POLN: variants seen among roughly 807,000 people sequenced by gnomAD.
POLN encodes DNA polymerase nu, also known as DNA polymerase N.
In POLN, 108 loss-of-function variants were observed where a neutral mutation model predicts 113.5. That is an observed-to-expected ratio of 0.95 (90% CI 0.81 to 1.12). POLN has a LOEUF of 1.12. POLN is among the 50% of genes most tolerant of loss of function. POLN has a pLI of 0.00. For synonymous variants in POLN, 386 were observed against 391.5 expected, an observed-to-expected ratio of 0.99 and a Z score of 0.17; for missense variants, 1,097 against 1,077.1, an observed-to-expected ratio of 1.02 and a Z score of -0.26.
At chr4:2,076,686 G>C (rs1219156283) in intron 23 of POLN, 1 of 152,336 alleles carries the variant, frequency 6.6e-6, no homozygotes, top group Non-Finnish European at 1.5e-5. Flanking sequence ...GCCCTAGGGA[G>C]CTGGTCTGCA....
intron 19 of POLN, among the ~76,000 whole-genome samples, chr4:2,105,725 C>T (rs545001196): frequency 2.6e-5 from 4 of 152,178 alleles, no homozygotes; most frequent in African/African-American, 9.6e-5. Flanking sequence ...CAAGCATCCT[C>T]TCTGACTCAC....
At chr4:2,192,759 G>A (rs1010855054) in intron 7 of POLN, among the ~76,000 whole-genome samples, 2 of 151,702 alleles carry the variant, frequency 1.3e-5, no homozygotes, top group African/African-American at 4.8e-5. Flanking sequence ...CTTGAGGCCA[G>A]CAGTTTGAGA....
At chr4:2,075,320 C>G in intron 24 of POLN, 132 bp downstream of exon 24, 1 of 992,844 alleles carries the variant, frequency 1.0e-6, no homozygotes. Context: ...GGTGACACAG[C>G]AGCAATGAGG....
At chr4:2,108,033 C>A (rs1356514963) in intron 19 of POLN, among the ~76,000 whole-genome samples, 4 of 152,338 alleles carry the variant, frequency 2.6e-5, no homozygotes, top group Admixed American at 2.0e-4. Context: ...AGCACCCCTT[C>A]CCTTCCTCTG....
At chr4:2,152,067 C>G (rs1197347443) in intron 16 of POLN, among the ~76,000 whole-genome samples, 1 of 149,272 alleles carries the variant, frequency 6.7e-6, no homozygotes, top group Admixed American at 6.7e-5. Context: ...GGATCTCACT[C>G]TGTCACCAGG....
intron 17 of POLN, among the ~76,000 whole-genome samples, chr4:2,129,606 T>A (rs573636364): frequency 4.9e-4 from 75 of 152,278 alleles, no homozygotes; most frequent in African/African-American, 1.7e-3. Context: ...CCCAGGCTGG[T>A]CTCAAACTCT....
chr4:2,100,399 C>T (rs2108704062), intron 19 of POLN, among the ~76,000 whole-genome samples: 1 of 152,210 alleles, frequency 6.6e-6, no homozygotes, highest in South Asian at 2.1e-4. Flanking sequence ...CTCACAATAG[C>T]AATAGAAACC....
Position 2,215,341 on chromosome 4 carries a change from G to C in POLN, c.134-2215C>G, listed in dbSNP as rs144627243. Reference sequence around the variant, plus strand: ...CCGCTTATGCACACGAAGATGTTACGCACATAACACTCGGGTACCCTGGGA... The same window carrying C: ...CCGCTTATGCACACGAAGATGTTACCCACATAACACTCGGGTACCCTGGGA... On this transcript the variant is annotated intron_variant, in intron 3 of 25. Coordinates refer to ENST00000511885, the MANE Select transcript of POLN (RefSeq NM_181808.4). Among the ~76,000 whole-genome samples the C allele has an allele frequency of 3.9e-4, 60 of 152,202 alleles. No individual in the cohort carries two copies. The East Asian group carries it at 0.011, about 28-fold the overall frequency.
intron 19 of POLN, among the ~76,000 whole-genome samples, chr4:2,113,195 A>G (rs1731238434): frequency 7.5e-6 from 1 of 133,822 alleles, no homozygotes; most frequent in Admixed American, 8.7e-5. Flanking sequence ...AAGAGAACAC[A>G]TGGACACAGG....
intron 2 of POLN, chr4:2,234,264 T>G (rs896277458): frequency 6.6e-6 from 1 of 152,220 alleles, no homozygotes; most frequent in Non-Finnish European, 1.5e-5. Flanking sequence ...GCAGAAGACA[T>G]GAAGGTCAAA....
intron 2 of POLN, 67 bp from the exon 3 acceptor site, chr4:2,229,310 A>G (rs1407114868): frequency 2.4e-6 from 3 of 1,275,524 alleles, no homozygotes; most frequent in South Asian, 1.7e-5. Context: ...CAGGAAATAC[A>G]ATTATTTTCA....
intron 17 of POLN, among the ~76,000 whole-genome samples, chr4:2,130,429 C>T (rs955715705): frequency 1.3e-5 from 2 of 152,126 alleles, no homozygotes; most frequent in Admixed American, 6.5e-5. Context: ...AAGGGTAGGA[C>T]GTGTACAGGG....
chr4:2,108,622 G>A (rs1577697325), intron 19 of POLN, among the ~76,000 whole-genome samples: 1 of 152,024 alleles, frequency 6.6e-6, no homozygotes, highest in Admixed American at 6.5e-5. Flanking sequence ...ATGTATTGAC[G>A]CCCATTAAAA....
intron 23 of POLN, chr4:2,078,555 C>T: frequency 1.0e-6 from 1 of 982,224 alleles, no homozygotes; most frequent in Non-Finnish European, 1.2e-6. Flanking sequence ...ACTCTAGGGG[C>T]ACCGTGTGCC....
Position 2,126,881 on chromosome 4 carries a change from C to A in POLN, c.1982+1232G>T, listed in dbSNP as rs1731594358. ...GGGTGGCAACCAGGCCAGAGAGCAG[C>A]CAGAGCCCTCGCAGGTCCCCCGCCT... On this transcript the variant is annotated intron_variant, in intron 19 of 25. Transcript: ENST00000511885. The surrounding 1 kb of genome is among the most constrained non-coding windows in gnomAD (Gnocchi z 4.6). 6.6e-6 allele frequency among the ~76,000 whole-genome samples: 1 copy of A among 152,150 alleles called. No homozygotes were observed. Among genetic ancestry groups the A allele is most frequent in the South Asian group, 2.1e-4 (1 of 4,834 alleles).
intron 20 of POLN, among the ~76,000 whole-genome samples, chr4:2,091,464 C>T (rs1730660999): frequency 6.6e-6 from 1 of 152,152 alleles, no homozygotes; most frequent in Non-Finnish European, 1.5e-5. Flanking sequence ...TTGCTCCTCA[C>T]TCCTTGGACA....
intron 7 of POLN, among the ~76,000 whole-genome samples, chr4:2,180,316 C>T (rs887870046): frequency 6.6e-6 from 1 of 152,062 alleles, no homozygotes; most frequent in African/African-American, 2.4e-5. Context: ...GGAGGTGGGG[C>T]GGGCTAGAAA....
At chr4:2,074,296 C>G (rs1730225301) in intron 24 of POLN, among the ~76,000 whole-genome samples, 1 of 152,170 alleles carries the variant, frequency 6.6e-6, no homozygotes, top group Admixed American at 6.5e-5. Context: ...ACCCCCAGCC[C>G]TTCAGGGATG....
At chr4:2,101,846 C>A (rs1436938933) in intron 19 of POLN, among the ~76,000 whole-genome samples, 2 of 152,208 alleles carry the variant, frequency 1.3e-5, no homozygotes, top group Admixed American at 6.5e-5. Context: ...GGGAACTGAG[C>A]AGGACGAGAG....
Sources: allele counts gnomAD v4.1 joint callset (sites outside exome capture counted in the v4.1 genomes callset), GRCh38; gene constraint gnomAD v4.1.1; non-coding constraint Gnocchi (gnomAD v3.1); transcripts MANE v1.5; gene names NCBI Gene and HGNC (gene_info 2026-07-23, HGNC 2026-07-21).